Variants in FRK observed in about 807,000 individuals in gnomAD.
FRK encodes the protein fyn related Src family tyrosine kinase, also known as tyrosine-protein kinase FRK.
In FRK, 51 loss-of-function variants were observed where a neutral mutation model predicts 56.4. That is an observed-to-expected ratio of 0.90 (90% CI 0.72 to 1.14). The LOEUF is 1.14. FRK is among the 50% of genes most tolerant of loss of function. FRK has a pLI of 0.00. For missense variants in FRK, 570 were observed against 601.4 expected, an observed-to-expected ratio of 0.95 and a Z score of 0.55; for synonymous variants, 245 against 217.9, an observed-to-expected ratio of 1.12 and a Z score of -1.10.
chr6:115,942,647 C>A lies in FRK; in HGVS notation c.1307-22G>T, dbSNP rs1413413028. 7 of 1,572,550 alleles carry A rather than the reference C, an allele frequency of 4.5e-6. No individual in the cohort carries two copies. In the Admixed American group the frequency reaches 5.3e-5, roughly 12 times the overall value. On this transcript the variant is annotated intron_variant, in intron 7 of 7. Coordinates refer to ENST00000606080, the MANE Select transcript of FRK (RefSeq NM_002031.3). ...ATACCTTGAAAATACAGAACGAAAC[C>A]AACAACAACAAAAAAAACAAGTTAA...
intron 6 of FRK, among the ~76,000 whole-genome samples, chr6:115,943,489 C>CAAAAAAAAAAA (rs35923228): frequency 3.4e-5 from 2 of 59,550 alleles, no homozygotes; most frequent in African/African-American, 6.3e-5. Context: ...TGGTCTTGAG[C>CAAAAAAAAAAA]AAAAAAAAAA....
At chr6:116,002,807 C>A in intron 2 of FRK, 1 of 430,286 alleles carries the variant, frequency 2.3e-6, no homozygotes, top group South Asian at 1.6e-5. Context: ...TGCCTCAAAA[C>A]CACTGCCCTT....
At chr6:116,037,105 C>T (rs1776516224) in intron 1 of FRK, among the ~76,000 whole-genome samples, 1 of 152,142 alleles carries the variant, frequency 6.6e-6, no homozygotes, top group Admixed American at 6.5e-5. Context: ...CTCAGCCAAG[C>T]AAAGCTGTTA....
At chr6:116,077,299 T>C in the FRK span, among the ~76,000 whole-genome samples, 3 of 152,224 alleles carry the variant, frequency 2.0e-5, no homozygotes, top group Non-Finnish European at 1.5e-5. Context: ...CTTTATGATG[T>C]TGTGGAAGGA....
intron 1 of FRK, among the ~76,000 whole-genome samples, chr6:116,029,254 T>C (rs1776211615): frequency 6.6e-6 from 1 of 152,190 alleles, no homozygotes; most frequent in African/African-American, 2.4e-5. Context: ...TCTTCTAATA[T>C]AGTCTATAAC....
intron 1 of FRK, among the ~76,000 whole-genome samples, chr6:116,012,310 T>C (rs1239241686): frequency 6.6e-6 from 1 of 152,172 alleles, no homozygotes; most frequent in African/African-American, 2.4e-5. Flanking sequence ...CCTTCCACCA[T>C]CTGGACACAA....
intron 2 of FRK, among the ~76,000 whole-genome samples, chr6:115,974,405 T>C (rs1201661433): frequency 6.6e-6 from 1 of 152,216 alleles, no homozygotes; most frequent in Non-Finnish European, 1.5e-5. Flanking sequence ...TTGCCAGATC[T>C]TTATGATGCA....
chr6:115,967,545 T>C lies in FRK; in HGVS notation c.799+6A>G. On this transcript the variant is annotated splice_donor_region_variant and intron_variant, in intron 4 of 7. Transcript: ENST00000606080. ...ATATGCCATTTAACCTTTATTGTTC[T>C]CGCACCTGGTTTTAATGTTTTCACT... The C allele has an allele frequency of 6.2e-7, 1 of 1,612,506 alleles. No individual in the cohort carries two copies. Among genetic ancestry groups the C allele is most frequent in the Non-Finnish European group, 8.5e-7 (1 of 1,179,124 alleles).
intron 1 of FRK, among the ~76,000 whole-genome samples, chr6:116,029,356 C>G (rs868092805): frequency 1.3e-5 from 2 of 152,094 alleles, no homozygotes; most frequent in Non-Finnish European, 2.9e-5. Context: ...ACTGCTGTAA[C>G]CCCAGGGCCT....
At chr6:115,990,269 T>C (rs1229666733) in intron 2 of FRK, among the ~76,000 whole-genome samples, 1 of 152,010 alleles carries the variant, frequency 6.6e-6, no homozygotes, top group Non-Finnish European at 1.5e-5. Flanking sequence ...GTGCAGAAGC[T>C]CTTTAGTTTA....
At chr6:115,970,371 G>A (rs1005943843) in intron 2 of FRK, among the ~76,000 whole-genome samples, 4 of 152,124 alleles carry the variant, frequency 2.6e-5, no homozygotes, top group Non-Finnish European at 4.4e-5. Flanking sequence ...ACCAAAACAT[G>A]TGTTTAAGAA....
At chr6:116,071,350 TC>T in the FRK span, among the ~76,000 whole-genome samples, 2 of 152,146 alleles carry the variant, frequency 1.3e-5, no homozygotes, top group Non-Finnish European at 2.9e-5. Flanking sequence ...TTTCACACCT[TC>T]ACAGTCAATA....
chr6:115,977,899 G>A (rs926906549), intron 2 of FRK, among the ~76,000 whole-genome samples: 3 of 151,954 alleles, frequency 2.0e-5, no homozygotes, highest in Non-Finnish European at 2.9e-5. Context: ...TTATATATCC[G>A]GTATGTAAAG....
At chr6:116,061,981 AAAAG>A (rs1000018695), upstream of FRK, among the ~76,000 whole-genome samples, 16 of 152,032 alleles carry the variant, frequency 1.1e-4, no homozygotes, top group South Asian at 6.2e-4. Flanking sequence ...AAAAGAAAGA[AAAAG>A]AAAGAAAAGA....
At chr6:116,011,915 A>T (rs1775488954) in intron 1 of FRK, among the ~76,000 whole-genome samples, 1 of 152,018 alleles carries the variant, frequency 6.6e-6, no homozygotes, top group African/African-American at 2.4e-5. Flanking sequence ...TCGGCTCAGT[A>T]TCCCCTTGGT....
At chr6:115,978,597 A>G (rs1774074461) in intron 2 of FRK, among the ~76,000 whole-genome samples, 1 of 152,058 alleles carries the variant, frequency 6.6e-6, no homozygotes, top group East Asian at 1.9e-4. Flanking sequence ...CACACACACA[A>G]CTACAGTCAT....
chr6:116,035,059 T>C (rs1192777987), intron 1 of FRK, among the ~76,000 whole-genome samples: 3 of 152,044 alleles, frequency 2.0e-5, no homozygotes, highest in Non-Finnish European at 4.4e-5. Flanking sequence ...AACTTTTTTA[T>C]AATAAAAATT....
chr6:115,958,648 G>T (rs201708651), intron 4 of FRK, among the ~76,000 whole-genome samples: 1 of 1,808 alleles, frequency 5.5e-4, no homozygotes. Context: ...AGAAAGAAAA[G>T]AAAGAAAGAA....
At chr6:116,010,918 G>T (rs1253081764) in intron 1 of FRK, among the ~76,000 whole-genome samples, 1 of 152,100 alleles carries the variant, frequency 6.6e-6, no homozygotes. Flanking sequence ...TTATTTCTTT[G>T]TTTGTATTAA....
Sources: gnomAD v4.1 joint callset for allele counts (sites outside exome capture counted in the v4.1 genomes callset) on GRCh38, gnomAD v4.1.1 for gene constraint, MANE v1.5 for transcripts, NCBI Gene and HGNC (gene_info 2026-07-23, HGNC 2026-07-21) for gene names.